SNX14: variants seen among roughly 807,000 people sequenced by gnomAD.
The protein encoded by SNX14 is sorting nexin-14.
In SNX14, 93 loss-of-function variants were observed where a neutral mutation model predicts 133.8. That is an observed-to-expected ratio of 0.70 (90% CI 0.59 to 0.83). The LOEUF is 0.83. Ranked by LOEUF, SNX14 falls within the 40% of genes least tolerant of loss-of-function variation. The probability of loss-of-function intolerance (pLI) is 0.00; values close to 1 mark genes in which losing one functional copy is unlikely to be tolerated. For synonymous variants in SNX14, 368 were observed against 365.6 expected (o/e 1.01, Z -0.07); for missense variants, 945 against 1,094.9 (o/e 0.86, Z 1.93).
At chr6:85,534,236 T>A (rs1391421082) in intron 17 of SNX14, among the ~76,000 whole-genome samples, 3 of 152,184 alleles carry the variant, frequency 2.0e-5, no homozygotes, top group African/African-American at 7.2e-5. Flanking sequence ...GAGGCCAAGG[T>A]GGGTGGATCA....
rs758457647 is a variant in SNX14, at chr6:85,530,261, C to T, written c.1825G>A (p.Glu609Lys). Residue 609 changes from glutamate to lysine, a missense_variant, in exon 19 of 29, where the codon GAA (glutamate) becomes AAA (lysine). Around this residue, in one of 3 missense-constraint regions of SNX14, gnomAD observed 412 missense variants for 516.6 expected, o/e 0.80. Coordinates refer to ENST00000314673, the MANE Select transcript of SNX14 (RefSeq NM_153816.6). The stretch of plus-strand genomic sequence containing the variant: ...TATCTTCTATAGACAGACCAATGTT[C>T]AGGCTCGTGTCCAACTGTAAATTGA... ...NDRRAVGHEPEHWSVYRRYLE... is the reference protein window; with the variant it reads ...NDRRAVGHEPKHWSVYRRYLE... 3 of 1,599,216 alleles carry T rather than the reference C, an allele frequency of 1.9e-6. No individual in the cohort carries two copies. Among genetic ancestry groups the T allele is most frequent in the East Asian group, 4.5e-5 (2 of 44,012 alleles).
chr6:85,548,993 G>A (rs867671514), intron 8 of SNX14, among the ~76,000 whole-genome samples: 4,444 of 142,390 alleles, frequency 0.031, 110 homozygotes, highest in Non-Finnish European at 0.047. Flanking sequence ...AAAAAAGAAA[G>A]AAAGAAAATA....
At chr6:85,510,179 T>C (rs1562173711) in intron 26 of SNX14, among the ~76,000 whole-genome samples, 1 of 152,208 alleles carries the variant, frequency 6.6e-6, no homozygotes. Flanking sequence ...CCAGATCTCA[T>C]GGTAAGAGTG....
intron 1 of SNX14, among the ~76,000 whole-genome samples, chr6:85,579,266 C>T (rs1456842448): frequency 6.6e-6 from 1 of 152,098 alleles, no homozygotes; most frequent in African/African-American, 2.4e-5. Flanking sequence ...AAGAAAAATA[C>T]CTGTTCACTA....
In SNX14 at chr6:85,566,580, C is replaced by G. The variant is rs1333976769; in HGVS notation, c.461+954G>C. 3.9e-5 allele frequency among the ~76,000 whole-genome samples: 6 copies of G among 152,010 alleles called. No homozygotes were observed. The East Asian group carries it at 1.2e-3, about 29-fold the overall frequency. On this transcript the variant is annotated intron_variant, in intron 5 of 28. Coordinates refer to ENST00000314673, the MANE Select transcript of SNX14 (RefSeq NM_153816.6). The stretch of plus-strand genomic sequence containing the variant: ...AAGCATTGTGGTGCACGCCTGTAAT[C>G]CCAGCTTCTTGGGAGGCTGAGGTGG...
At chr6:85,557,483 T>C (rs2128134428) in intron 7 of SNX14, among the ~76,000 whole-genome samples, 1 of 152,348 alleles carries the variant, frequency 6.6e-6, no homozygotes, top group Middle Eastern at 3.4e-3. Flanking sequence ...CAGGTCATCC[T>C]GGCCAAAGCA....
At chr6:85,573,789 G>A (rs981448652) in intron 2 of SNX14, among the ~76,000 whole-genome samples, 1 of 152,150 alleles carries the variant, frequency 6.6e-6, no homozygotes, top group Non-Finnish European at 1.5e-5. Context: ...AAATCTGGTA[G>A]TACACCCCAG....
intron 7 of SNX14, among the ~76,000 whole-genome samples, chr6:85,556,820 A>C (rs1217477950): frequency 6.6e-6 from 1 of 152,134 alleles, no homozygotes; most frequent in Non-Finnish European, 1.5e-5. Context: ...ACACAGAATA[A>C]TTTTTAAATA....
chr6:85,581,319 G>C (rs2128223326), intron 1 of SNX14: 1 of 152,260 alleles, frequency 6.6e-6, no homozygotes, highest in East Asian at 1.9e-4. Flanking sequence ...TGGCTGCATT[G>C]ACCAAAAACA....
chr6:85,517,692 T>C (rs574669874), intron 23 of SNX14, 64 bp downstream of exon 23: 2 of 1,513,900 alleles, frequency 1.3e-6, no homozygotes, highest in South Asian at 1.3e-5. Flanking sequence ...CTCTCGACAA[T>C]GAAAAAGTAA....
At chr6:85,593,085 A>G (rs972342008) in intron 1 of SNX14, among the ~76,000 whole-genome samples, 16 of 152,216 alleles carry the variant, frequency 1.1e-4, no homozygotes, top group Admixed American at 9.2e-4. Flanking sequence ...ACAAATCTTT[A>G]TGATCGTCTG....
At chr6:85,513,394 C>T (rs957026329) in intron 26 of SNX14, among the ~76,000 whole-genome samples, 3 of 152,146 alleles carry the variant, frequency 2.0e-5, no homozygotes, top group African/African-American at 4.8e-5. Context: ...TTTTATATGC[C>T]TTGCATTTTG....
chr6:85,512,860 A>T (rs1773449877), intron 26 of SNX14, among the ~76,000 whole-genome samples: 1 of 152,044 alleles, frequency 6.6e-6, no homozygotes, highest in Non-Finnish European at 1.5e-5. Flanking sequence ...CTCTCTGGTG[A>T]ATCTAAGAGT....
chr6:85,549,668 AATAT>A, intron 8 of SNX14, 51 bp downstream of exon 8: 1 of 1,466,598 alleles, frequency 6.8e-7, no homozygotes, highest in South Asian at 1.5e-5. Context: ...CAAAAATAGC[AATAT>A]ACATATGGCA....
chr6:85,576,697 A>G (rs1415503145), intron 1 of SNX14, among the ~76,000 whole-genome samples: 2 of 152,200 alleles, frequency 1.3e-5, no homozygotes, highest in African/African-American at 2.4e-5. Flanking sequence ...AAGTATTGGC[A>G]GTATTCCAAA....
At position 85,538,838 on chromosome 6, in the gene SNX14, C is replaced by T. The variant is rs776895778; in HGVS notation, c.1475G>A (p.Arg492Gln). Residue 492 changes from arginine to glutamine, a missense_variant and splice_region_variant, in exon 16 of 29, where the codon CGG becomes CAG. Transcript: ENST00000314673. Reference sequence around the variant, plus strand: ...AAAGAATCACATGCTCAAGACTTACCGAAAATCATCCAAACTTAGGCTACC... The same window carrying T: ...AAAGAATCACATGCTCAAGACTTACTGAAAATCATCCAAACTTAGGCTACC... Reference protein sequence around the residue: ...NRGSLSLDDFRNTQKRGESFG... With the variant: ...NRGSLSLDDFQNTQKRGESFG... The T allele has an allele frequency of 2.9e-5, 47 of 1,594,234 alleles. No individual in the cohort carries two copies. Among genetic ancestry groups the T allele is most frequent in the African/African-American group, 4.1e-5 (3 of 73,506 alleles).
intron 1 of SNX14, among the ~76,000 whole-genome samples, chr6:85,575,813 A>G (rs554036965): frequency 6.6e-6 from 1 of 152,250 alleles, no homozygotes; most frequent in Non-Finnish European, 1.5e-5. Flanking sequence ...ATTTCACAAC[A>G]TTGGATAAAA....
At position 85,593,776 on chromosome 6, in the gene SNX14, C is replaced by G; in HGVS notation, c.-58G>C. The G allele has an allele frequency of 1.2e-6, 2 of 1,603,098 alleles. No homozygotes were observed. The highest frequency in any genetic ancestry group is 2.3e-5 in the East Asian group (1 of 44,320). On this transcript the variant is annotated 5_prime_UTR_variant, in exon 1 of 29. Transcript: ENST00000314673. ...GGCTGAGGCAGAGGTCAAGGCGACC[C>G]CCCATCCACACCTCGCGTCCCCGCC...
At chr6:85,509,508 C>T (rs564496382) in intron 26 of SNX14, among the ~76,000 whole-genome samples, 8 of 149,184 alleles carry the variant, frequency 5.4e-5, no homozygotes, top group Non-Finnish European at 8.9e-5. Context: ...GTCCTAAGAC[C>T]TCCTCTTTTT....
Sources: allele counts gnomAD v4.1 joint callset (sites outside exome capture counted in the v4.1 genomes callset), GRCh38; gene constraint gnomAD v4.1.1; regional missense constraint gnomAD v4.1.1; transcripts MANE v1.5; gene names NCBI Gene and HGNC (gene_info 2026-07-23, HGNC 2026-07-21).